The following GPR158 variants were observed in gnomAD, a reference collection of about 807,000 sequenced individuals.
GPR158 encodes the protein G protein-coupled receptor 158.
Under a neutral mutation model 78.2 loss-of-function variants are expected in GPR158, and 30 were observed. The observed-to-expected ratio is 0.38, with a 90% CI of 0.29 to 0.52. GPR158 has a LOEUF of 0.52. Ranked by LOEUF, GPR158 falls within the 20% of genes least tolerant of loss-of-function variation. The probability of loss-of-function intolerance (pLI) is 0.83; values close to 1 mark genes in which losing one functional copy is unlikely to be tolerated. For missense variants in GPR158, 1,463 were observed against 1,523.5 expected, an observed-to-expected ratio of 0.96 and a Z score of 0.66; for synonymous variants, 581 against 591.1, an observed-to-expected ratio of 0.98 and a Z score of 0.25.
At chr10:25,291,190 T>G (rs894579509) in intron 2 of GPR158, among the ~76,000 whole-genome samples, 1 of 151,814 alleles carries the variant, frequency 6.6e-6, no homozygotes, top group East Asian at 1.9e-4. Flanking sequence ...TAACATTAAT[T>G]AAAACCAATA....
At chr10:25,294,773 C>CAAAAT (rs5783918) in intron 2 of GPR158, among the ~76,000 whole-genome samples, 91,484 of 151,728 alleles carry the variant, frequency 0.6, 28,210 homozygotes, top group Non-Finnish European at 0.65. Context: ...AGCATGGAAG[C>CAAAAT]TCTTAGGCAT....
At position 25,600,919 on chromosome 10, in the gene GPR158, A is replaced by G. The variant is rs556000868; in HGVS notation, c.*1645A>G. ...CAGTGAGATTCCAAAGCTCAGTCTC[A>G]TTTCATTTAAAGAAGAATCACTCAG... On this transcript the variant is annotated 3_prime_UTR_variant, in exon 11 of 11. Coordinates refer to ENST00000376351, the MANE Select transcript of GPR158 (RefSeq NM_020752.3). The G allele has an allele frequency of 1.3e-5, 2 of 152,284 alleles. No individual in the cohort carries two copies. Among genetic ancestry groups the G allele is most frequent in the South Asian group, 4.1e-4 (2 of 4,828 alleles). 9.4% of individuals were successfully genotyped at this position (152,284 alleles called of 1,614,324 possible).
At chr10:25,454,340 G>A (rs1264263899) in intron 4 of GPR158, among the ~76,000 whole-genome samples, 2 of 152,200 alleles carry the variant, frequency 1.3e-5, no homozygotes, top group Non-Finnish European at 2.9e-5. Flanking sequence ...CCGACCCGGA[G>A]GAGAAATGAT....
intron 5 of GPR158, among the ~76,000 whole-genome samples, chr10:25,493,300 G>T (rs2987840): frequency 0.49 from 74,840 of 151,952 alleles, 19,098 homozygotes; most frequent in East Asian, 0.79. Flanking sequence ...CATTACTCAC[G>T]CAATTCCTCT....
chr10:25,470,568 T>G (rs189213920), intron 5 of GPR158, among the ~76,000 whole-genome samples: 4 of 152,244 alleles, frequency 2.6e-5, no homozygotes, highest in Non-Finnish European at 5.9e-5. Flanking sequence ...AGTATTAATT[T>G]TTTCATAAAG....
chr10:25,267,090 C>T (rs139304630), intron 2 of GPR158, among the ~76,000 whole-genome samples: 3 of 152,188 alleles, frequency 2.0e-5, no homozygotes, highest in African/African-American at 7.2e-5. Context: ...ATAGCTAGAA[C>T]CTCTTTTCCA....
rs561339925 is a variant in GPR158, at chr10:25,404,317, C to T, written c.1112-7933C>T. ...TTTGATAGTCAAATGAAGTTAAATA[C>T]ATTGTTAAAGAGGCAGTTTTTCATG... On this transcript the variant is annotated intron_variant, in intron 3 of 10. Transcript: ENST00000376351. 2.0e-4 allele frequency among the ~76,000 whole-genome samples: 31 copies of T among 152,148 alleles called. No individual in the cohort carries two copies. In the South Asian group the frequency reaches 6.4e-3, roughly 32 times the overall value.
intron 5 of GPR158, among the ~76,000 whole-genome samples, chr10:25,489,104 A>C (rs369178438): frequency 1.8e-4 from 27 of 152,156 alleles, no homozygotes; most frequent in African/African-American, 6.5e-4. Context: ...GTTGGCCTGA[A>C]ATCCTAGTTA....
At chr10:25,331,761 C>T (rs571455959) in intron 2 of GPR158, among the ~76,000 whole-genome samples, 39 of 152,288 alleles carry the variant, frequency 2.6e-4, no homozygotes, top group Admixed American at 9.8e-4. Flanking sequence ...TACATCAGGG[C>T]ATGACATTAT....
chr10:25,217,744 G>A (rs1447267260), intron 1 of GPR158, among the ~76,000 whole-genome samples: 3 of 152,160 alleles, frequency 2.0e-5, no homozygotes, highest in Non-Finnish European at 4.4e-5. Context: ...GTGTTTGATG[G>A]ACTGAATCCT....
At chr10:25,539,645 A>G (rs1453697989) in intron 5 of GPR158, among the ~76,000 whole-genome samples, 1 of 150,614 alleles carries the variant, frequency 6.6e-6, no homozygotes, top group East Asian at 1.9e-4. Context: ...TATAATTTTT[A>G]AAATGTTACT....
intron 2 of GPR158, among the ~76,000 whole-genome samples, chr10:25,292,591 A>AAGTAGATAGAGCTAAATTT (rs1854455290): frequency 6.6e-6 from 1 of 152,104 alleles, no homozygotes; most frequent in East Asian, 1.9e-4. Flanking sequence ...GGAGAATGGG[A>AAGTAGATAGAGCTAAATTT]AGTAGATAGA....
chr10:25,205,823 T>A (rs1055842531), intron 1 of GPR158, among the ~76,000 whole-genome samples: 8 of 152,194 alleles, frequency 5.3e-5, no homozygotes, highest in Admixed American at 4.6e-4. Context: ...GTTTTTTTTT[T>A]AATTTGCTGA....
chr10:25,586,022 A>G (rs1837261322), intron 7 of GPR158, among the ~76,000 whole-genome samples: 1 of 152,178 alleles, frequency 6.6e-6, no homozygotes, highest in Non-Finnish European at 1.5e-5. Flanking sequence ...TTCAGAGGAC[A>G]AAGAGACCTT....
intron 2 of GPR158, among the ~76,000 whole-genome samples, chr10:25,392,330 A>G (rs1834310977): frequency 6.6e-6 from 1 of 152,048 alleles, no homozygotes; most frequent in African/African-American, 2.4e-5. Flanking sequence ...ACACACCCCC[A>G]CTGCTCCACA....
chr10:25,251,040 T>A (rs1853789909), intron 2 of GPR158, among the ~76,000 whole-genome samples: 1 of 152,104 alleles, frequency 6.6e-6, no homozygotes, highest in African/African-American at 2.4e-5. Flanking sequence ...GCTCTTCTTG[T>A]TGAATTGATC....
At chr10:25,338,389 C>A (rs824157) in intron 2 of GPR158, among the ~76,000 whole-genome samples, 85,588 of 137,282 alleles carry the variant, frequency 0.62, 28,564 homozygotes, top group Non-Finnish European at 0.77. Flanking sequence ...ATATCTCTCT[C>A]TATATATATT....
chr10:25,343,872 A>G (rs1855336185), intron 2 of GPR158, among the ~76,000 whole-genome samples: 1 of 152,002 alleles, frequency 6.6e-6, no homozygotes, highest in Non-Finnish European at 1.5e-5. Flanking sequence ...AATAGGAAAA[A>G]CATCTCATTA....
At chr10:25,563,556 A>G (rs781612338) in intron 6 of GPR158, among the ~76,000 whole-genome samples, 3 of 152,072 alleles carry the variant, frequency 2.0e-5, no homozygotes, top group Non-Finnish European at 4.4e-5. Context: ...CTAATATATC[A>G]TTTTGATTCC....
Sources: gnomAD v4.1 joint callset for allele counts (sites outside exome capture counted in the v4.1 genomes callset) on GRCh38, gnomAD v4.1.1 for gene constraint, MANE v1.5 for transcripts, NCBI Gene and HGNC (gene_info 2026-07-23, HGNC 2026-07-21) for gene names.